The following ZNF646 variants were observed in gnomAD, a reference collection of about 807,000 sequenced individuals.
ZNF646 encodes the protein zinc finger protein 646.
ZNF646 carries 49 observed loss-of-function variants against 115.4 expected under a neutral mutation model. The observed-to-expected ratio is 0.42, with a 90% CI of 0.34 to 0.54. The LOEUF (loss-of-function observed/expected upper bound fraction) is 0.54. Ranked by LOEUF, ZNF646 falls within the 20% of genes least tolerant of loss-of-function variation. The pLI is 0.04. For synonymous variants in ZNF646, 933 were observed against 939.0 expected, an observed-to-expected ratio of 0.99 and a Z score of 0.12; for missense variants, 2,269 against 2,457.9, an observed-to-expected ratio of 0.92 and a Z score of 1.62.
In ZNF646 at chr16:31,081,223, G is replaced by A. The variant is rs2057153797; in HGVS notation, c.4899G>A (p.Val1633=). 1.3e-6 allele frequency: 2 copies of A among 1,590,370 alleles called. No individual in the cohort carries two copies. Among genetic ancestry groups the A allele is most frequent in the African/African-American group, 1.4e-5 (1 of 74,056 alleles). The change falls in exon 2 of 3, where the codon GTG becomes GTA. Residue 1633 remains valine (V), a synonymous_variant. Transcript: ENST00000300850. The part of the protein sequence containing the change: ...DPKAGTGEDQ[V]VLPGQGKAQE... The stretch of plus-strand genomic sequence containing the variant: ...AAGCCGGGACTGGGGAGGACCAGGT[G>A]GTTCTCCCTGGTCAAGGGAAAGCCC...
At position 31,081,091 on chromosome 16, in the gene ZNF646, CTG is replaced by C. The variant is rs771131257; in HGVS notation, c.4770_4771del (p.Cys1590TrpfsTer5). 2 of 1,613,680 alleles carry C rather than the reference CTG, an allele frequency of 1.2e-6. No homozygotes were observed. The highest frequency in any genetic ancestry group is 1.3e-5 in the African/African-American group (1 of 75,054). On this transcript the variant is annotated frameshift_variant, in exon 2 of 3. Coordinates refer to ENST00000300850, the MANE Select transcript of ZNF646 (RefSeq NM_014699.4). LOFTEE classifies it high-confidence loss of function. ...ACGCCCAGACCTTTGCCTGTCCTGACTGTGGCAAAGCCTTTGAGTCCCACCAG... is the reference window on the plus strand; with the variant it reads ...ACGCCCAGACCTTTGCCTGTCCTGACTGGCAAAGCCTTTGAGTCCCACCAG... The part of the protein sequence containing the change: ...IDAQTFACPD[C>X]GKAFESHQEL...
rs1287719026 is a variant in ZNF646 at position 31,077,596 on chromosome 16, C to T, written c.1272C>T (p.His424=). The T allele has an allele frequency of 6.2e-7, 1 of 1,613,604 alleles. No homozygotes were observed. Among genetic ancestry groups the T allele is most frequent in the South Asian group, 1.1e-5 (1 of 91,002 alleles). The change falls in exon 2 of 3, where the codon CAC becomes CAT. Residue 424 remains histidine (H), a synonymous_variant. Transcript: ENST00000300850. The stretch of plus-strand genomic sequence containing the variant: ...TCAAAAACCATGTGCGGGCTCATCA[C>T]AGGCCCAGGCAAGGAGTTGGGGAAA... ...AALKNHVRAH[H]RPRQGVGENG...
chr16:31,082,308 G>GC (rs1295125679), intron 2 of ZNF646: 1 of 172,898 alleles, frequency 5.8e-6, no homozygotes, highest in African/African-American at 2.4e-5. Context: ...TGTCAGTGTT[G>GC]CTCCCATCTC....
chr16:31,078,828 G>A lies in ZNF646; in HGVS notation c.2504G>A (p.Gly835Asp), dbSNP rs1386373683. ...GGGCATTCTTTCCCCCATGCCACTG[G>A]CCTGCTGAGCCACAGGCCCTGCCAC... ...DCGHSFPHATGLLSHRPCHPP... is the reference protein window; with the variant it reads ...DCGHSFPHATDLLSHRPCHPP... The change falls in exon 2 of 3, where the codon GGC becomes GAC. Residue 835 changes from glycine (G) to aspartate (D), a missense_variant. This residue lies in a region of ZNF646 where 852 missense variants were observed against 900.2 expected (regional missense o/e 0.95). Transcript: ENST00000300850. 2 of 1,613,960 alleles carry A rather than the reference G, an allele frequency of 1.2e-6. No homozygotes were observed. Among genetic ancestry groups the A allele is most frequent in the Admixed American group, 3.3e-5 (2 of 60,024 alleles).
At position 31,078,744 on chromosome 16, in the gene ZNF646, A is replaced by T. The variant is rs774410514; in HGVS notation, c.2420A>T (p.His807Leu). The T allele has an allele frequency of 1.4e-5, 23 of 1,613,544 alleles. No individual in the cohort carries two copies. Among genetic ancestry groups the T allele is most frequent in the Non-Finnish European group, 1.9e-5 (22 of 1,179,880 alleles). ...PATGQPNSSS[H>L]SANAVTGWQA... ...ACTGGCCAACCCAACTCCTCTTCCC[A>T]CTCTGCCAATGCTGTCACTGGCTGG... is the stretch of plus-strand genomic sequence containing the variant. The change falls in exon 2 of 3, where the codon CAC becomes CTC. Residue 807 changes from histidine to leucine, a missense_variant. Physicochemically the swap from His to Leu is moderately conservative, Grantham distance 99. Transcript: ENST00000300850.
In ZNF646 at chr16:31,081,287, A is replaced by T. The variant is rs1173146058; in HGVS notation, c.4963A>T (p.Ser1655Cys). ...PSETPRGPGE[S>C]VERARGGQAV... ...AGAAACCCCCAGAGGCCCAGGAGAG[A>T]GTGTGGAGAGAGCCAGGGGAGGACA... The change falls in exon 2 of 3, where the codon AGT (serine) becomes TGT (cysteine). Residue 1655 changes from serine (S) to cysteine (C), a missense_variant. Physicochemically the swap from Ser to Cys is moderately radical, Grantham distance 112 (BLOSUM62 -1). Coordinates refer to ENST00000300850, the MANE Select transcript of ZNF646 (RefSeq NM_014699.4). 3 of 1,613,232 alleles carry T rather than the reference A, an allele frequency of 1.9e-6. No homozygotes were observed. Among genetic ancestry groups the T allele is most frequent in the African/African-American group, 2.7e-5 (2 of 75,038 alleles).
In ZNF646 at chr16:31,078,359, G is replaced by GGCGGTGCCA; in HGVS notation, c.2042_2050dup (p.Ala681_Gly683dup). On this transcript the variant is annotated inframe_insertion, in exon 2 of 3. Transcript: ENST00000300850. Reference sequence around the variant, plus strand: ...GAGCAGGCGGCATCGGAAGCGGGCTGGCGGTGCCAGCGGTGGGAGAGAAGC... The same window carrying GGCGGTGCCA: ...GAGCAGGCGGCATCGGAAGCGGGCTGGCGGTGCCAGCGGTGCCAGCGGTGGGAGAGAAGC... The GGCGGTGCCA allele has an allele frequency of 6.2e-7, 1 of 1,613,148 alleles. No individual in the cohort carries two copies.
chr16:31,080,125 C>A lies in ZNF646; in HGVS notation c.3801C>A (p.Phe1267Leu). 6.2e-7 allele frequency: 1 copy of A among 1,612,984 alleles called. No individual in the cohort carries two copies. Among genetic ancestry groups the A allele is most frequent in the Non-Finnish European group, 8.5e-7 (1 of 1,179,846 alleles). ...RFRCSECGKA[F>L]RLRKQLASHQ... ...GCTGCAGCGAGTGTGGGAAGGCCTT[C>A]CGCCTGCGGAAACAGCTGGCCAGCC... The change falls in exon 2 of 3, where the codon TTC becomes TTA. Residue 1267 changes from phenylalanine (F) to leucine (L), a missense_variant. Physicochemically the swap from Phe to Leu is conservative, Grantham distance 22. This residue lies in a region of ZNF646 where 1,062 missense variants were observed against 1,172.8 expected (regional missense o/e 0.91). Transcript: ENST00000300850.
Position 31,078,107 on chromosome 16 carries a change from C to G in ZNF646, c.1783C>G (p.Leu595Val). Residue 595 changes from leucine to valine, a missense_variant, in exon 2 of 3, where the codon CTG becomes GTG. Leu to Val is a conservative substitution (Grantham distance 32, BLOSUM62 1). This residue lies in a region of ZNF646 where 852 missense variants were observed against 900.2 expected (regional missense o/e 0.95). Transcript: ENST00000300850. ...CGCTGAGAGCCTTGAACGTCATGGCCTGACTCATGGGGCAGGGGAAAAGGA... is the reference window on the plus strand; with the variant it reads ...CGCTGAGAGCCTTGAACGTCATGGCGTGACTCATGGGGCAGGGGAAAAGGA... Reference protein sequence around the residue: ...EDAESLERHGLTHGAGEKENS... With the variant: ...EDAESLERHGVTHGAGEKENS... 1 of 1,614,206 alleles carries G rather than the reference C, an allele frequency of 6.2e-7. No homozygotes were observed. Among genetic ancestry groups the G allele is most frequent in the Non-Finnish European group, 8.5e-7 (1 of 1,180,052 alleles).
chr16:31,076,774 T>A lies in ZNF646; in HGVS notation c.450T>A (p.Cys150Ter). ...AACATACAGAAGAGACACCTGACTG[T>A]GAATCTGTACCTGACCCCAGGGCAG... is the stretch of plus-strand genomic sequence containing the variant. Reference protein sequence around the residue: ...QTKHTEETPDCESVPDPRAAS... With the variant: ...QTKHTEETPD The change falls in exon 2 of 3, where the codon TGT becomes TGA. Residue 150 changes from cysteine to a stop codon, truncating the protein, a stop_gained. Coordinates refer to ENST00000300850, the MANE Select transcript of ZNF646 (RefSeq NM_014699.4). LOFTEE classifies it high-confidence loss of function. 1 of 1,613,924 alleles carries A rather than the reference T, an allele frequency of 6.2e-7. No homozygotes were observed. Among genetic ancestry groups the A allele is most frequent in the Admixed American group, 1.7e-5 (1 of 60,016 alleles).
In ZNF646 at chr16:31,079,864, G is replaced by A; in HGVS notation, c.3540G>A (p.Glu1180=). The A allele has an allele frequency of 3.1e-6, 5 of 1,613,088 alleles. No individual in the cohort carries two copies. Among genetic ancestry groups the A allele is most frequent in the Non-Finnish European group, 4.2e-6 (5 of 1,179,358 alleles). Residue 1180 remains glutamate (E), a synonymous_variant, in exon 2 of 3, where the codon GAG becomes GAA. Transcript: ENST00000300850. The surrounding 1 kb of genome is among the most constrained non-coding windows in gnomAD (Gnocchi z 5.5). ...EVWEETTVKG[E]EIEPRLETAE... The stretch of plus-strand genomic sequence containing the variant: ...GGGAGGAGACCACTGTGAAGGGGGA[G>A]GAGATAGAGCCCAGGCTGGAGACTG...
Position 31,080,672 on chromosome 16 carries a change from G to T in ZNF646, c.4348G>T (p.Glu1450Ter). 1.2e-6 allele frequency: 2 copies of T among 1,614,044 alleles called. No homozygotes were observed. Among genetic ancestry groups the T allele is most frequent in the Non-Finnish European group, 1.7e-6 (2 of 1,179,992 alleles). Residue 1450 changes from glutamate (E) to a stop codon, truncating the protein, a stop_gained, in exon 2 of 3, where the codon GAA becomes TAA. Coordinates refer to ENST00000300850, the MANE Select transcript of ZNF646 (RefSeq NM_014699.4). LOFTEE classifies it high-confidence loss of function. ...SQSPIRAASS[E>*]APEPLSWGAG... ...GAGCCCCATCAGGGCAGCAAGCTCA[G>T]AAGCCCCAGAGCCACTGTCCTGGGG...
In ZNF646 at chr16:31,080,211, A is replaced by G; in HGVS notation, c.3887A>G (p.Asp1296Gly). 1 of 1,610,098 alleles carries G rather than the reference A, an allele frequency of 6.2e-7. No individual in the cohort carries two copies. The highest frequency in any genetic ancestry group is 8.5e-7 in the Non-Finnish European group (1 of 1,178,094). Residue 1296 changes from aspartate to glycine, a missense_variant, in exon 2 of 3, where the codon GAT (aspartate) becomes GGT (glycine). Physicochemically the swap from Asp to Gly is moderately conservative, Grantham distance 94 (BLOSUM62 -1). Coordinates refer to ENST00000300850, the MANE Select transcript of ZNF646 (RefSeq NM_014699.4). ...GGGTRKATRE[D>G]RPFRCGQCGR... ...GGCACCCGAAAGGCGACTCGGGAAGATCGGCCCTTCCGCTGTGGGCAGTGC... is the reference window on the plus strand; with the variant it reads ...GGCACCCGAAAGGCGACTCGGGAAGGTCGGCCCTTCCGCTGTGGGCAGTGC...
At position 31,076,848 on chromosome 16, in the gene ZNF646, C is replaced by G. The variant is rs776928609; in HGVS notation, c.524C>G (p.Ala175Gly). 6.2e-7 allele frequency: 1 copy of G among 1,614,162 alleles called. No homozygotes were observed. Among genetic ancestry groups the G allele is most frequent in the Non-Finnish European group, 8.5e-7 (1 of 1,180,038 alleles). ...CCCACCAGACAAAGAGAAGGCTTGG[C>G]AAGCCACCCAGGTCCTGAGGATGGT... ...DLPTRQREGL[A>G]SHPGPEDGAD... The change falls in exon 2 of 3, where the codon GCA (alanine) becomes GGA (glycine). Residue 175 changes from alanine to glycine, a missense_variant. Around this residue, in one of 5 missense-constraint regions of ZNF646, gnomAD observed 334 missense variants for 323.5 expected, o/e 1.03. Coordinates refer to ENST00000300850, the MANE Select transcript of ZNF646 (RefSeq NM_014699.4).
Position 31,082,998 on chromosome 16 carries a change from G to A in ZNF646, c.5405G>A (p.Arg1802Lys). 4.4e-6 allele frequency: 7 copies of A among 1,603,432 alleles called. No individual in the cohort carries two copies. Among genetic ancestry groups the A allele is most frequent in the Non-Finnish European group, 6.0e-6 (7 of 1,175,452 alleles). ...SGAPVAPVTG[R>K]GDLPLPPPPT... is the part of the protein sequence containing the mutation. ...GCCCCAGTGGCACCAGTGACGGGCA[G>A]AGGGGACTTGCCATTGCCCCCTCCA... Residue 1802 changes from arginine (R) to lysine (K), a missense_variant, in exon 3 of 3, where the codon AGA (arginine) becomes AAA (lysine). Physicochemically the swap from Arg to Lys is conservative, Grantham distance 26. This residue lies in a region of ZNF646 where 1,062 missense variants were observed against 1,172.8 expected (regional missense o/e 0.91). Coordinates refer to ENST00000300850, the MANE Select transcript of ZNF646 (RefSeq NM_014699.4).
Position 31,081,429 on chromosome 16 carries a change from G to T in ZNF646, c.5105G>T (p.Gly1702Val). 6.2e-7 allele frequency: 1 copy of T among 1,614,096 alleles called. No individual in the cohort carries two copies. Among genetic ancestry groups the T allele is most frequent in the Non-Finnish European group, 8.5e-7 (1 of 1,179,962 alleles). Residue 1702 changes from glycine to valine, a missense_variant, in exon 2 of 3, where the codon GGG becomes GTG. Around this residue, in one of 5 missense-constraint regions of ZNF646, gnomAD observed 1,062 missense variants for 1,172.8 expected, o/e 0.91. Coordinates refer to ENST00000300850, the MANE Select transcript of ZNF646 (RefSeq NM_014699.4). ...AACCACCAGAAGGCCCACACCACAGGGTTGTACCCGTGCTCCCTCTGTCCC... is the reference window on the plus strand; with the variant it reads ...AACCACCAGAAGGCCCACACCACAGTGTTGTACCCGTGCTCCCTCTGTCCC... ...LLNHQKAHTT[G>V]LYPCSLCPKL...
intron 2 of ZNF646, chr16:31,082,695 G>T: frequency 2.2e-6 from 1 of 460,504 alleles, no homozygotes; most frequent in Non-Finnish European, 3.9e-6. Flanking sequence ...TGAGATGGTG[G>T]GCCCTTGACA....
rs780730604 is a variant in ZNF646, at chr16:31,077,849, A to G, written c.1525A>G (p.Asn509Asp). The G allele has an allele frequency of 1.2e-6, 2 of 1,613,826 alleles. No individual in the cohort carries two copies. The highest frequency in any genetic ancestry group is 1.7e-6 in the Non-Finnish European group (2 of 1,180,034). Reference protein sequence around the residue: ...RKYPNLMALRNHVRVHCKAAR... With the variant: ...RKYPNLMALRDHVRVHCKAAR... The stretch of plus-strand genomic sequence containing the variant: ...GTACCCCAATCTCATGGCCCTGCGC[A>G]ACCACGTGCGGGTACATTGCAAGGC... The change falls in exon 2 of 3, where the codon AAC becomes GAC. Residue 509 changes from asparagine to aspartate, a missense_variant. By Grantham distance (23) the Asn-to-Asp change is conservative. Transcript: ENST00000300850.
At chr16:31,074,293 T>C (rs2057047028), upstream of ZNF646, 1 of 152,398 alleles carries the variant, frequency 6.6e-6, no homozygotes, top group Non-Finnish European at 1.5e-5. Flanking sequence ...GAGTCAGCCG[T>C]GCAGACCTAG....
Sources: allele counts gnomAD v4.1 joint callset, GRCh38; gene constraint gnomAD v4.1.1; regional missense constraint gnomAD v4.1.1; non-coding constraint Gnocchi (gnomAD v3.1); transcripts MANE v1.5; gene names NCBI Gene and HGNC (gene_info 2026-07-23, HGNC 2026-07-21).